The following STAG3 variants were observed in gnomAD, a reference collection of about 807,000 sequenced individuals.
The protein encoded by STAG3 is STAG3 cohesin complex component, also known as cohesin subunit SA-3.
A neutral mutation model predicts 160.7 loss-of-function variants in STAG3; 101 were observed. The observed-to-expected ratio is 0.63, with a 90% CI of 0.54 to 0.74. STAG3 has a LOEUF of 0.74. STAG3 is among the 30% of genes least tolerant of loss of function. The probability of loss-of-function intolerance (pLI) is 0.00; values close to 1 mark genes in which losing one functional copy is unlikely to be tolerated. For synonymous variants in STAG3, 519 were observed against 585.0 expected (o/e 0.89, Z 1.63); for missense variants, 1,188 against 1,517.4 (o/e 0.78, Z 3.61).
In STAG3 at chr7:100,200,276, G is replaced by A. The variant is rs1411094457; in HGVS notation, c.1718G>A (p.Arg573Lys). 1 of 1,613,474 alleles carries A rather than the reference G, an allele frequency of 6.2e-7. No individual in the cohort carries two copies. The highest frequency in any genetic ancestry group is 1.7e-5 in the Admixed American group (1 of 59,996). ...GAGCGCAAGACCCAAGCCGATGACA[G>A]GGTGAAGTTGACTGAGCACCTCATC... ...SKERKTQADD[R>K]VKLTEHLIPL... Residue 573 changes from arginine to lysine, a missense_variant, in exon 17 of 34, where the codon AGG becomes AAG. By Grantham distance (26) the Arg-to-Lys change is conservative. Transcript: ENST00000615138.
At chr7:100,186,485 G>C (rs889721810) in intron 5 of STAG3, among the ~76,000 whole-genome samples, 189 bp downstream of exon 5, 1 of 152,198 alleles carries the variant, frequency 6.6e-6, no homozygotes, top group African/African-American at 2.4e-5. Flanking sequence ...TTGGGAAGCT[G>C]AGGCAGGTGG....
At chr7:100,189,093 C>T (rs139760155) in intron 7 of STAG3, 77 bp downstream of exon 7, 8 of 1,501,996 alleles carry the variant, frequency 5.3e-6, no homozygotes, top group Non-Finnish European at 7.4e-6. Flanking sequence ...TCAGGATCTT[C>T]TTTCCTACCT....
chr7:100,197,424 C>CAGTGCTAGGGGAATT, intron 10 of STAG3, 145 bp downstream of exon 10: 7 of 1,156,550 alleles, frequency 6.1e-6, no homozygotes, highest in Non-Finnish European at 9.0e-6. Context: ...TGAAATTCCC[C>CAGTGCTAGGGGAATT]TAGCACTGGG....
Position 100,207,920 on chromosome 7 carries a change from T to A in STAG3, c.3238+2536T>A, listed in dbSNP as rs184217563. 2.0e-5 allele frequency among the ~76,000 whole-genome samples: 3 copies of A among 152,182 alleles called. No individual in the cohort carries two copies. The highest frequency in any genetic ancestry group is 2.9e-5 in the Non-Finnish European group (2 of 67,998). ...TCACGAGGTCAGGAGATTGAGACCATCCTGGCTAACACGGTGAAACCCCGT... is the reference window on the plus strand; with the variant it reads ...TCACGAGGTCAGGAGATTGAGACCAACCTGGCTAACACGGTGAAACCCCGT... On this transcript the variant is annotated intron_variant, in intron 29 of 33. Transcript: ENST00000615138. The surrounding 1 kb of genome is among the most constrained non-coding windows in gnomAD (Gnocchi z 4.0).
Position 100,195,365 on chromosome 7 carries a change from C to T in STAG3, c.924C>T (p.Val308=). The change falls in exon 9 of 34, where the codon GTC becomes GTT. Residue 308 remains valine, a synonymous_variant. Transcript: ENST00000615138. ...EGMMNALFRG[V]FVHRYRDVLP... ...TGATGAATGCCCTCTTCAGGGGTGT[C>T]TTTGTTCATCGGTACAGGTGAGCTA... 1 of 1,614,072 alleles carries T rather than the reference C, an allele frequency of 6.2e-7. No homozygotes were observed. The highest frequency in any genetic ancestry group is 8.5e-7 in the Non-Finnish European group (1 of 1,179,992).
chr7:100,199,421 T>G, intron 15 of STAG3, 54 bp downstream of exon 15: 1 of 1,563,982 alleles, frequency 6.4e-7, no homozygotes, highest in Non-Finnish European at 8.8e-7. Flanking sequence ...AGGGTGAAAC[T>G]GGGAGGGATT....
downstream of STAG3, among the ~76,000 whole-genome samples, chr7:100,215,793 T>C (rs1466651258): frequency 6.6e-6 from 1 of 152,138 alleles, no homozygotes; most frequent in East Asian, 1.9e-4. Context: ...GTCTAGGTTG[T>C]CTCCTCTTGA....
intron 8 of STAG3, 111 bp from the exon 9 acceptor site, chr7:100,195,198 C>T: frequency 1.1e-6 from 1 of 924,390 alleles, no homozygotes; most frequent in Middle Eastern, 2.3e-4. Context: ...GGGGTTCACA[C>T]TATCCTATAA....
At chr7:100,204,820 C>T (rs376507385) in intron 27 of STAG3, 45 bp downstream of exon 27, 45 of 1,607,456 alleles carry the variant, frequency 2.8e-5, no homozygotes, top group Non-Finnish European at 3.5e-5. Flanking sequence ...GGGCTGGGAA[C>T]GAGGTCTTGG....
intron 26 of STAG3, among the ~76,000 whole-genome samples, 165 bp downstream of exon 26, chr7:100,204,287 T>C (rs143599714): frequency 1.3e-5 from 2 of 149,340 alleles, no homozygotes; most frequent in East Asian, 3.9e-4. Flanking sequence ...TTGGGAAGTA[T>C]TTTTTTTTTA....
At chr7:100,178,612 G>T (rs1799429690) in intron 1 of STAG3, among the ~76,000 whole-genome samples, 1 of 143,698 alleles carries the variant, frequency 7.0e-6, no homozygotes. Context: ...TTTTTTTAGA[G>T]ACAGGGCGTT....
chr7:100,190,473 C>T (rs1393538022), intron 8 of STAG3, among the ~76,000 whole-genome samples: 2 of 152,200 alleles, frequency 1.3e-5, no homozygotes, highest in Non-Finnish European at 2.9e-5. Flanking sequence ...TTTGCATTGT[C>T]AGGTTGATCT....
rs200503799 is a variant in STAG3 at position 100,188,799 on chromosome 7, C to T, written c.511-13C>T. On this transcript the variant is annotated splice_polypyrimidine_tract_variant and intron_variant, in intron 6 of 33. Transcript: ENST00000615138. ...TAATAACTTTCCCATCCTTTTCATA[C>T]ATCCTTTTGTAGGACTCGGGGGACT... The T allele has an allele frequency of 2.5e-3, 4,108 of 1,613,876 alleles. 12 individuals carry two copies. Among genetic ancestry groups the T allele is most frequent in the Non-Finnish European group, 3.2e-3 (3,829 of 1,179,784 alleles).
Position 100,202,483 on chromosome 7 carries a change from G to T in STAG3, c.2593G>T (p.Glu865Ter). Residue 865 changes from glutamate (E) to a stop codon, truncating the protein, a stop_gained, in exon 25 of 34, where the codon GAG becomes TAG. Coordinates refer to ENST00000615138, the MANE Select transcript of STAG3 (RefSeq NM_001282717.2). LOFTEE classifies it high-confidence loss of function. ...TTCCCAGGAGGATCATTTACAGATA[G>T]AGCGGCTACACCAGCGGCGCCGCCT... ...GDSQEDHLQI[E>*]RLHQRRRLLA... 1 of 1,614,144 alleles carries T rather than the reference G, an allele frequency of 6.2e-7. No homozygotes were observed. The highest frequency in any genetic ancestry group is 8.5e-7 in the Non-Finnish European group (1 of 1,180,004).
chr7:100,205,376 G>C lies in STAG3; in HGVS notation c.3230G>C (p.Arg1077Pro). Residue 1077 changes from arginine (R) to proline (P), a missense_variant, in exon 29 of 34, where the codon CGC (arginine) becomes CCC (proline). This residue lies in a region of STAG3 where 647 missense variants were observed against 717.2 expected (regional missense o/e 0.90). Transcript: ENST00000615138. ...GTCCTCCCCAGCTCCAAGAGGAGGC[G>C]CGTTGAAGGTAGGGTGCTGTGTGTG... ...PQVLPSSKRR[R>P]VEGPAKPNRE... The C allele has an allele frequency of 6.2e-7, 1 of 1,612,906 alleles. No individual in the cohort carries two copies. The highest frequency in any genetic ancestry group is 8.5e-7 in the Non-Finnish European group (1 of 1,179,508).
chr7:100,202,164 C>T lies in STAG3; in HGVS notation c.2395-8C>T, dbSNP rs1801198552. On this transcript the variant is annotated splice_polypyrimidine_tract_variant and splice_region_variant and intron_variant, in intron 23 of 33. Coordinates refer to ENST00000615138, the MANE Select transcript of STAG3 (RefSeq NM_001282717.2). ...TCCTTTTAAACATCCTTTCTTTTCC[C>T]CCTACAGGCTTTTGTCTTATTAAGT... 1.9e-6 allele frequency: 3 copies of T among 1,610,876 alleles called. No individual in the cohort carries two copies. The highest frequency in any genetic ancestry group is 2.5e-6 in the Non-Finnish European group (3 of 1,178,518).
chr7:100,212,122 T>TA, intron 32 of STAG3: 1 of 402,612 alleles, frequency 2.5e-6, no homozygotes, highest in South Asian at 3.4e-5. Flanking sequence ...TCCCAATCCC[T>TA]AAATAAATAT....
At position 100,197,769 on chromosome 7, in the gene STAG3, C is replaced by T. The variant is rs374389919; in HGVS notation, c.1066-9C>T. ...TATTTCCATTCTCCTGGTTTTCCCT[C>T]CTCACCAGCACCGAGAAGTCCGCCT... On this transcript the variant is annotated splice_polypyrimidine_tract_variant and intron_variant, in intron 10 of 33. Coordinates refer to ENST00000615138, the MANE Select transcript of STAG3 (RefSeq NM_001282717.2). 1.9e-4 allele frequency: 312 copies of T among 1,611,082 alleles called. No individual in the cohort carries two copies. The highest frequency in any genetic ancestry group is 5.7e-4 in the Admixed American group (34 of 60,000).
chr7:100,188,747 C>T, intron 6 of STAG3, 65 bp from the exon 7 acceptor site: 1 of 1,533,366 alleles, frequency 6.5e-7, no homozygotes, highest in East Asian at 2.3e-5. Flanking sequence ...TTTTGACATC[C>T]AAGCCCCTAT....
Sources: allele counts gnomAD v4.1 joint callset (sites outside exome capture counted in the v4.1 genomes callset), GRCh38; gene constraint gnomAD v4.1.1; regional missense constraint gnomAD v4.1.1; non-coding constraint Gnocchi (gnomAD v3.1); transcripts MANE v1.5; gene names NCBI Gene and HGNC (gene_info 2026-07-23, HGNC 2026-07-21).